FGF14: variants seen among roughly 807,000 people sequenced by gnomAD.
FGF14 encodes the protein fibroblast growth factor 14, also known as fibroblast growth factor homologous factor 4.
A neutral mutation model predicts 25.5 loss-of-function variants in FGF14; 5 were observed. The ratio of observed to expected loss-of-function variants is 0.20; its 90% CI spans 0.10 to 0.41. The LOEUF (loss-of-function observed/expected upper bound fraction) is 0.41, where lower values mean the gene tolerates loss of function less well. Ranked by LOEUF, FGF14 falls within the 10% of genes least tolerant of loss-of-function variation. The pLI, the probability that FGF14 is intolerant of heterozygous loss-of-function variation, is 1.00. For synonymous variants in FGF14, 138 were observed against 118.3 expected, an observed-to-expected ratio of 1.17 and a Z score of -1.08; for missense variants, 222 against 320.1, an observed-to-expected ratio of 0.69 and a Z score of 2.34.
intron 1 of FGF14, among the ~76,000 whole-genome samples, chr13:102,157,610 T>C (rs571689159): frequency 0.022 from 3,393 of 152,300 alleles, 65 homozygotes; most frequent in Non-Finnish European, 0.037. Context: ...AAGGACTTCA[T>C]GTCTAAAACA....
chr13:102,376,430 T>C (rs1287464207), intron 1 of FGF14, among the ~76,000 whole-genome samples: 1 of 152,230 alleles, frequency 6.6e-6, no homozygotes, highest in East Asian at 1.9e-4. Flanking sequence ...AACAGACTAA[T>C]ACAACCCTGT....
chr13:101,950,751 GTTTTTT>G (rs61285721), intron 1 of FGF14, among the ~76,000 whole-genome samples: 4 of 131,962 alleles, frequency 3.0e-5, no homozygotes, highest in East Asian at 2.2e-4. Flanking sequence ...ACCTAATCAT[GTTTTTT>G]TTTTTTTTTT....
At chr13:102,372,446 G>A (rs1391627012) in intron 1 of FGF14, among the ~76,000 whole-genome samples, 1 of 152,174 alleles carries the variant, frequency 6.6e-6, no homozygotes, top group Non-Finnish European at 1.5e-5. Context: ...CAGACGAGAA[G>A]ACTAGCGATG....
rs142738965 is a variant in FGF14, at chr13:101,710,807, G to A, written c.*12024C>T. The stretch of plus-strand genomic sequence containing the variant: ...GAATAAAGCTGTCACCTCAGGAGAC[G>A]ATGAAGAAATAGCGTTTTATTTCTT... On this transcript the variant is annotated 3_prime_UTR_variant, in exon 5 of 5. Transcript: ENST00000376143. 2.6e-5 allele frequency: 4 copies of A among 152,234 alleles called. No homozygotes were observed. The highest frequency in any genetic ancestry group is 1.9e-4 in the East Asian group (1 of 5,170). The allele number at this position is 152,234 out of a possible 1,614,324, so 9.4% of individuals were successfully genotyped here.
intron 1 of FGF14, among the ~76,000 whole-genome samples, chr13:102,226,731 T>C (rs2050841855): frequency 6.6e-6 from 1 of 152,178 alleles, no homozygotes; most frequent in African/African-American, 2.4e-5. Context: ...ATTACCACTT[T>C]GATTATGATG....
chr13:102,220,015 T>C (rs1366879273), intron 1 of FGF14, among the ~76,000 whole-genome samples: 2 of 152,134 alleles, frequency 1.3e-5, no homozygotes, highest in Non-Finnish European at 2.9e-5. Flanking sequence ...GTAGTTTTCA[T>C]ATGATAATTA....
intron 1 of FGF14, among the ~76,000 whole-genome samples, chr13:101,949,790 T>C (rs1348039758): frequency 6.6e-6 from 1 of 152,180 alleles, no homozygotes; most frequent in Non-Finnish European, 1.5e-5. Flanking sequence ...ATCTCATTCA[T>C]TGTGGCAATA....
intron 1 of FGF14, among the ~76,000 whole-genome samples, chr13:102,398,348 C>T (rs942482802): frequency 2.6e-5 from 4 of 152,056 alleles, no homozygotes; most frequent in African/African-American, 7.2e-5. Context: ...GATTATATAG[C>T]GGTGCTCTGA....
rs72660355 is a variant in FGF14, at chr13:101,781,748, G to T, written c.409-54938C>A. Reference sequence around the variant, plus strand: ...GATACTTTTGTCTCCACATAACACAGATGTAAAATAGTTTTTAAAGAAGCT... The same window carrying T: ...GATACTTTTGTCTCCACATAACACATATGTAAAATAGTTTTTAAAGAAGCT... On this transcript the variant is annotated intron_variant, in intron 3 of 4. Transcript: ENST00000376143. Among the ~76,000 whole-genome samples, 877 of 152,258 alleles carry T rather than the reference G, an allele frequency of 5.8e-3. 5 individuals are homozygous for T. The highest frequency in any genetic ancestry group is 8.5e-3 in the Admixed American group (130 of 15,304).
chr13:101,983,746 G>A (rs887975815), intron 1 of FGF14, among the ~76,000 whole-genome samples: 4 of 152,108 alleles, frequency 2.6e-5, no homozygotes, highest in African/African-American at 7.2e-5. Context: ...CTCAAACCCA[G>A]GGCCGTGCTG....
chr13:101,966,470 T>TG (rs1046420660), intron 1 of FGF14, among the ~76,000 whole-genome samples: 18 of 151,434 alleles, frequency 1.2e-4, no homozygotes, highest in African/African-American at 4.4e-4. Flanking sequence ...ATAAATCTTG[T>TG]GGTTTTTTTT....
At chr13:102,279,119 C>A (rs1394018549) in intron 1 of FGF14, among the ~76,000 whole-genome samples, 2 of 151,932 alleles carry the variant, frequency 1.3e-5, no homozygotes, top group East Asian at 3.9e-4. Context: ...CCCCATAATC[C>A]CTCCATCAAG....
At chr13:101,814,026 T>C (rs1366208720) in intron 3 of FGF14, among the ~76,000 whole-genome samples, 1 of 152,190 alleles carries the variant, frequency 6.6e-6, no homozygotes, top group Non-Finnish European at 1.5e-5. Context: ...TTGTAAGCTG[T>C]TGGATGAAGT....
In FGF14 at chr13:102,400,895, A is replaced by G. The variant is rs1475077247; in HGVS notation, c.208+576T>C. Among the ~76,000 whole-genome samples the G allele has an allele frequency of 6.6e-6, 1 of 151,556 alleles. No individual in the cohort carries two copies. Among genetic ancestry groups the G allele is most frequent in the Non-Finnish European group, 1.5e-5 (1 of 67,914 alleles). On this transcript the variant is annotated intron_variant, in intron 1 of 4. Transcript: ENST00000376131. This position sits in a 1 kb window ranked among gnomAD's most constrained non-coding sequence, Gnocchi z 4.3. ...GTGGCAGGATGTGTCAGAGGCAGAC[A>G]GGGGGAATGAGTTAATGCTCGGGCA...
chr13:101,976,553 A>T (rs1368856230), intron 1 of FGF14, among the ~76,000 whole-genome samples: 1 of 152,174 alleles, frequency 6.6e-6, no homozygotes, highest in East Asian at 1.9e-4. Context: ...GTAGTGAGCT[A>T]GCCCCCAATA....
chr13:101,810,969 G>A (rs1227336667), intron 3 of FGF14, among the ~76,000 whole-genome samples: 1 of 151,996 alleles, frequency 6.6e-6, no homozygotes, highest in Non-Finnish European at 1.5e-5. Flanking sequence ...TTAGGTCACA[G>A]CCAAACTGAG....
chr13:102,322,300 C>A (rs968681197), intron 1 of FGF14, among the ~76,000 whole-genome samples: 2 of 152,070 alleles, frequency 1.3e-5, no homozygotes, highest in African/African-American at 4.8e-5. Context: ...GAGGCTTCAC[C>A]ATGGTATCAA....
At chr13:101,724,473 A>G (rs1207622354) in intron 4 of FGF14, among the ~76,000 whole-genome samples, 1 of 151,630 alleles carries the variant, frequency 6.6e-6, no homozygotes, top group East Asian at 1.9e-4. Flanking sequence ...GGATAGCATT[A>G]GGAGATATAC....
chr13:101,810,651 C>G (rs1387381321), intron 3 of FGF14, among the ~76,000 whole-genome samples: 1 of 152,224 alleles, frequency 6.6e-6, no homozygotes, highest in African/African-American at 2.4e-5. Context: ...ACAGCCTCAT[C>G]TTTGCATTCT....
Sources: gnomAD v4.1 joint callset for allele counts (sites outside exome capture counted in the v4.1 genomes callset) on GRCh38, gnomAD v4.1.1 for gene constraint, Gnocchi (gnomAD v3.1) non-coding constraint, MANE v1.5 for transcripts, NCBI Gene and HGNC (gene_info 2026-07-23, HGNC 2026-07-21) for gene names.